Variants in TENM3 observed in about 807,000 individuals in gnomAD.
TENM3 encodes teneurin transmembrane protein 3, also known as teneurin-3.
TENM3 carries 63 observed loss-of-function variants against 255.1 expected under a neutral mutation model. That is an observed-to-expected ratio of 0.25 (90% CI 0.20 to 0.30). The LOEUF (loss-of-function observed/expected upper bound fraction) is 0.30, where lower values mean the gene tolerates loss of function less well. Ranked by LOEUF, TENM3 falls within the 10% of genes least tolerant of loss-of-function variation. The pLI, the probability that TENM3 is intolerant of heterozygous loss-of-function variation, is 1.00. For missense variants in TENM3, 2,929 were observed against 3,461.1 expected (o/e 0.85, Z 3.86); for synonymous variants, 1,306 against 1,322.3 (o/e 0.99, Z 0.27).
At chr4:181,491,114 TACCTGAAAAAAAAA>T in the TENM3 span, among the ~76,000 whole-genome samples, 440 of 152,146 alleles carry the variant, frequency 2.9e-3, 2 homozygotes, top group African/African-American at 0.01. Flanking sequence ...ATCTATGGTC[TACCTGAAAAAAAAA>T]GCTTTCTAAA....
At chr4:182,526,306 G>A (rs1056656472) in intron 3 of TENM3, among the ~76,000 whole-genome samples, 5 of 152,002 alleles carry the variant, frequency 3.3e-5, no homozygotes, top group South Asian at 2.1e-4. Flanking sequence ...TATGTATCTC[G>A]TAGAGGCAGT....
chr4:182,772,495 A>T (rs1427423403), intron 22 of TENM3: 6 of 151,200 alleles, frequency 4.0e-5, no homozygotes, highest in Non-Finnish European at 8.8e-5. Context: ...TCTGAAATCC[A>T]CCCTTTAGTA....
chr4:181,961,582 G>T, the TENM3 span, among the ~76,000 whole-genome samples: 1 of 152,000 alleles, frequency 6.6e-6, no homozygotes, highest in African/African-American at 2.4e-5. Context: ...ACCACGTCCG[G>T]CTAATTTTTT....
In TENM3 at chr4:182,751,702, A is replaced by T. The variant is rs192386985; in HGVS notation, c.3630-98A>T. 1.8e-3 allele frequency: 1,480 copies of T among 816,744 alleles called. 6 individuals are homozygous for T. The highest frequency in any genetic ancestry group is 2.7e-3 in the Non-Finnish European group (1,266 of 474,472). 50.6% of individuals were successfully genotyped at this position (816,744 alleles called of 1,614,324 possible). A position where few individuals can be genotyped will look rare whatever the true frequency, so the allele number is the denominator to read the frequency against. On this transcript the variant is annotated intron_variant, in intron 19 of 27. Coordinates refer to ENST00000511685, the MANE Select transcript of TENM3 (RefSeq NM_001080477.4). ...AATCTTTGATCATGGATTCCAGACT[A>T]TAATCAGTTTCTCATGATCTGTTTT... is the stretch of plus-strand genomic sequence containing the variant.
chr4:182,413,235 G>GA (rs911199374), intron 3 of TENM3, among the ~76,000 whole-genome samples: 34 of 149,828 alleles, frequency 2.3e-4, no homozygotes, highest in African/African-American at 6.4e-4. Context: ...GGATAGGCAG[G>GA]AAAAAAAAAG....
chr4:181,724,874 A>G, the TENM3 span, among the ~76,000 whole-genome samples: 3 of 152,134 alleles, frequency 2.0e-5, no homozygotes, highest in Non-Finnish European at 4.4e-5. Context: ...ATTCTCTATT[A>G]TTGTTCTGTC....
chr4:181,472,482 T>C, the TENM3 span, among the ~76,000 whole-genome samples: 103,014 of 145,000 alleles, frequency 0.71, 35,647 homozygotes, highest in Non-Finnish European at 0.79. Context: ...CCCCCTGCCA[T>C]AATGCCTGCA....
intron 3 of TENM3, among the ~76,000 whole-genome samples, chr4:182,432,038 G>A (rs561772914): frequency 3.9e-4 from 58 of 149,220 alleles, no homozygotes; most frequent in African/African-American, 1.4e-3. Flanking sequence ...ATCCGAGATC[G>A]CGCTACTGCA....
upstream of TENM3, among the ~76,000 whole-genome samples, chr4:182,239,077 T>TA: frequency 7.6e-6 from 1 of 131,530 alleles, no homozygotes; most frequent in Non-Finnish European, 1.7e-5. Context: ...GTGTGTGTAT[T>TA]TTTTTTTTTC....
At chr4:182,235,091 C>T (rs1255186857) in intron 1 of TENM3, among the ~76,000 whole-genome samples, 1 of 152,114 alleles carries the variant, frequency 6.6e-6, no homozygotes, top group African/African-American at 2.4e-5. Context: ...TCAGTATTCC[C>T]CCACTCTGCC....
At chr4:181,964,219 G>A in the TENM3 span, among the ~76,000 whole-genome samples, 1 of 152,008 alleles carries the variant, frequency 6.6e-6, no homozygotes, top group Non-Finnish European at 1.5e-5. Flanking sequence ...GACCACAGAG[G>A]CATTTGCTCC....
At chr4:182,760,592 G>C (rs546079941) in intron 22 of TENM3, among the ~76,000 whole-genome samples, 2 of 152,276 alleles carry the variant, frequency 1.3e-5, no homozygotes, top group South Asian at 2.1e-4. Context: ...CTCTGTATTT[G>C]TGGAGCTGAC....
At chr4:182,522,876 T>C (rs1738731624) in intron 3 of TENM3, among the ~76,000 whole-genome samples, 1 of 152,230 alleles carries the variant, frequency 6.6e-6, no homozygotes, top group Non-Finnish European at 1.5e-5. Flanking sequence ...ACCTTCCTAC[T>C]GTTTTCCATA....
the TENM3 span, among the ~76,000 whole-genome samples, chr4:181,664,844 T>G: frequency 0.043 from 6,552 of 152,314 alleles, 176 homozygotes; most frequent in Middle Eastern, 0.078. Context: ...GGAAGAACCC[T>G]GCAGGTGATG....
chr4:182,308,080 A>C (rs1293811151), intron 1 of TENM3, among the ~76,000 whole-genome samples: 2 of 152,226 alleles, frequency 1.3e-5, no homozygotes, highest in African/African-American at 4.8e-5. Flanking sequence ...AACTACCACT[A>C]GTAACAGCAT....
the TENM3 span, among the ~76,000 whole-genome samples, chr4:181,464,287 A>G: frequency 6.6e-6 from 1 of 152,166 alleles, no homozygotes; most frequent in Non-Finnish European, 1.5e-5. Flanking sequence ...AGGGGTTCCA[A>G]TGTCTTCATA....
At chr4:181,905,277 A>C in the TENM3 span, among the ~76,000 whole-genome samples, 1 of 152,190 alleles carries the variant, frequency 6.6e-6, no homozygotes, top group Non-Finnish European at 1.5e-5. Context: ...GTAAGCCTTC[A>C]TAAGAGCAGA....
the TENM3 span, among the ~76,000 whole-genome samples, chr4:181,948,876 A>G: frequency 6.6e-6 from 1 of 152,134 alleles, no homozygotes; most frequent in Admixed American, 6.5e-5. Flanking sequence ...GCCTGGGTTT[A>G]TATTGCTGCC....
the TENM3 span, among the ~76,000 whole-genome samples, chr4:181,985,347 A>C: frequency 1.3e-5 from 2 of 152,178 alleles, no homozygotes; most frequent in Non-Finnish European, 2.9e-5. Flanking sequence ...TAATGTAGAA[A>C]TCTCAGGACA....
Sources: allele counts gnomAD v4.1 joint callset (sites outside exome capture counted in the v4.1 genomes callset), GRCh38; gene constraint gnomAD v4.1.1; transcripts MANE v1.5; gene names NCBI Gene and HGNC (gene_info 2026-07-23, HGNC 2026-07-21).